NBAS: variants seen among roughly 807,000 people sequenced by gnomAD.
NBAS encodes NAG/BC035112 fusion.
Under a neutral mutation model 302.5 loss-of-function variants are expected in NBAS, and 219 were observed. The ratio of observed to expected loss-of-function variants is 0.72; its 90% CI spans 0.65 to 0.81. The LOEUF is 0.81. Ranked by LOEUF, NBAS falls within the 30% of genes least tolerant of loss-of-function variation. NBAS has a pLI of 0.00. For missense variants in NBAS, 2,932 were observed against 2,841.6 expected (o/e 1.03, Z -0.72); for synonymous variants, 1,118 against 1,021.6 (o/e 1.09, Z -1.80).
At chr2:15,003,922 C>T in the NBAS span, among the ~76,000 whole-genome samples, 1 of 152,180 alleles carries the variant, frequency 6.6e-6, no homozygotes, top group African/African-American at 2.4e-5. Flanking sequence ...ATCAGAAAAT[C>T]GGCTTTACTC....
At chr2:14,939,622 C>T in the NBAS span, among the ~76,000 whole-genome samples, 1 of 152,220 alleles carries the variant, frequency 6.6e-6, no homozygotes, top group Non-Finnish European at 1.5e-5. Context: ...CATTCTGCCT[C>T]TTGGCCTCCA....
chr2:15,505,099 T>A (rs945801638), intron 10 of NBAS, among the ~76,000 whole-genome samples: 1 of 152,178 alleles, frequency 6.6e-6, no homozygotes, highest in African/African-American at 2.4e-5. Context: ...TTACAATAAC[T>A]GTAAGCAAAA....
At chr2:15,009,409 A>C in the NBAS span, among the ~76,000 whole-genome samples, 7 of 151,994 alleles carry the variant, frequency 4.6e-5, no homozygotes, top group East Asian at 1.4e-3. Context: ...TAAAAAAAAA[A>C]GTCTCCAATT....
intron 30 of NBAS, among the ~76,000 whole-genome samples, chr2:15,376,808 T>C (rs551441808): frequency 3.7e-4 from 57 of 152,278 alleles, no homozygotes; most frequent in Non-Finnish European, 1.8e-4. Context: ...TCAACATAAC[T>C]GTAAACACTA....
chr2:15,556,609 CT>C (rs1664657809), intron 3 of NBAS, among the ~76,000 whole-genome samples, 173 bp downstream of exon 3: 1 of 152,174 alleles, frequency 6.6e-6, no homozygotes, highest in Admixed American at 6.5e-5. Context: ...CCTAAGTCTA[CT>C]GAGATATCTT....
the NBAS span, among the ~76,000 whole-genome samples, chr2:14,923,975 G>A: frequency 4.8e-4 from 73 of 152,182 alleles, no homozygotes; most frequent in African/African-American, 1.3e-3. Flanking sequence ...ACCCACCCTC[G>A]TCAAGTCTAC....
the NBAS span, among the ~76,000 whole-genome samples, chr2:15,157,554 C>T: frequency 1.3e-5 from 2 of 152,300 alleles, no homozygotes; most frequent in South Asian, 2.1e-4. Flanking sequence ...TTCCCCTCCC[C>T]GGGGTCTTAA....
intron 35 of NBAS, among the ~76,000 whole-genome samples, chr2:15,350,915 C>T (rs1673322130): frequency 6.6e-6 from 1 of 152,148 alleles, no homozygotes; most frequent in African/African-American, 2.4e-5. Flanking sequence ...TAAAACAAAA[C>T]AAAAGCATTT....
chr2:15,548,390 C>T (rs1664217962), intron 6 of NBAS, among the ~76,000 whole-genome samples: 1 of 152,114 alleles, frequency 6.6e-6, no homozygotes, highest in African/African-American at 2.4e-5. Flanking sequence ...GCCTGTAATC[C>T]CAGCACTTTG....
rs115837091 is a variant in NBAS at position 15,404,811 on chromosome 2, C to T, written c.2938-2510G>A. 5.0e-3 allele frequency among the ~76,000 whole-genome samples: 758 copies of T among 152,220 alleles called. 8 individuals carry two copies. The highest frequency in any genetic ancestry group is 0.018 in the African/African-American group (736 of 41,538). The stretch of plus-strand genomic sequence containing the variant: ...TACAGGCATGAGCCACTGCGCCCGG[C>T]CCTAAAGAACCACTTTTACATTCAA... On this transcript the variant is annotated intron_variant, in intron 25 of 51. Coordinates refer to ENST00000281513, the MANE Select transcript of NBAS (RefSeq NM_015909.4).
At chr2:15,346,395 A>G (rs1034914988) in intron 35 of NBAS, among the ~76,000 whole-genome samples, 1 of 152,180 alleles carries the variant, frequency 6.6e-6, no homozygotes. Context: ...GAAACACATG[A>G]AAAAAAGCTT....
chr2:15,192,221 G>A (rs1174111010), intron 48 of NBAS, among the ~76,000 whole-genome samples: 1 of 148,818 alleles, frequency 6.7e-6, no homozygotes, highest in Non-Finnish European at 1.5e-5. Context: ...TTAGCTCCTT[G>A]AAAGAAGAGG....
At chr2:15,334,160 T>C (rs567795809) in intron 35 of NBAS, among the ~76,000 whole-genome samples, 1 of 151,320 alleles carries the variant, frequency 6.6e-6, no homozygotes, top group South Asian at 2.1e-4. Flanking sequence ...ACAACTGGCC[T>C]AGAGGTGTCT....
At chr2:15,330,347 A>G (rs1672267974) in intron 36 of NBAS, among the ~76,000 whole-genome samples, 1 of 152,186 alleles carries the variant, frequency 6.6e-6, no homozygotes, top group African/African-American at 2.4e-5. Flanking sequence ...TCTTTTCATC[A>G]CACTAAATTC....
At chr2:15,336,686 C>T (rs1054526031) in intron 35 of NBAS, among the ~76,000 whole-genome samples, 2 of 151,654 alleles carry the variant, frequency 1.3e-5, no homozygotes, top group Admixed American at 6.6e-5. Context: ...GCTGAGGTCA[C>T]GCCAATGCAC....
At chr2:15,437,112 C>T (rs914346865) in intron 21 of NBAS, among the ~76,000 whole-genome samples, 1 of 152,066 alleles carries the variant, frequency 6.6e-6, no homozygotes, top group Non-Finnish European at 1.5e-5. Flanking sequence ...ATTTTCCACC[C>T]ATGCCATCAA....
the NBAS span, among the ~76,000 whole-genome samples, chr2:14,898,758 A>T: frequency 2.0e-5 from 3 of 152,136 alleles, no homozygotes; most frequent in East Asian, 5.8e-4. Flanking sequence ...CACCATGATT[A>T]TGAGGCTTCC....
At chr2:15,089,225 T>C in the NBAS span, among the ~76,000 whole-genome samples, 1 of 152,202 alleles carries the variant, frequency 6.6e-6, no homozygotes, top group African/African-American at 2.4e-5. Flanking sequence ...CAAGCAATCC[T>C]CCTGCTTCGG....
chr2:15,433,636 G>A (rs1198163974), intron 21 of NBAS, among the ~76,000 whole-genome samples: 3 of 152,124 alleles, frequency 2.0e-5, no homozygotes, highest in Admixed American at 6.5e-5. Flanking sequence ...GTAGAAAAAA[G>A]CAACCATTTC....
Sources: allele counts gnomAD v4.1 joint callset (sites outside exome capture counted in the v4.1 genomes callset), GRCh38; gene constraint gnomAD v4.1.1; transcripts MANE v1.5; gene names NCBI Gene and HGNC (gene_info 2026-07-23, HGNC 2026-07-21).